Variants in NCAM1 observed in about 807,000 individuals in gnomAD.
The protein encoded by NCAM1 is neural cell adhesion molecule 1, also known as antigen recognized by monoclonal antibody 5.1H11.
Under a neutral mutation model 109.8 loss-of-function variants are expected in NCAM1, and 14 were observed. The ratio of observed to expected loss-of-function variants is 0.13; its 90% CI spans 0.08 to 0.20. The LOEUF is 0.20. NCAM1 is among the 10% of genes least tolerant of loss of function. The pLI is 1.00. For synonymous variants in NCAM1, 418 were observed against 442.9 expected, an observed-to-expected ratio of 0.94 and a Z score of 0.70; for missense variants, 774 against 1,109.9, an observed-to-expected ratio of 0.70 and a Z score of 4.30.
At chr11:113,046,135 G>A (rs1953259414) in intron 1 of NCAM1, among the ~76,000 whole-genome samples, 1 of 152,184 alleles carries the variant, frequency 6.6e-6, no homozygotes, top group Non-Finnish European at 1.5e-5. Flanking sequence ...GAAAAAAACA[G>A]ATTAAAATAC....
At chr11:113,185,334 T>G (rs1295760502) in intron 1 of NCAM1, among the ~76,000 whole-genome samples, 1 of 152,050 alleles carries the variant, frequency 6.6e-6, no homozygotes, top group Non-Finnish European at 1.5e-5. Flanking sequence ...AAGAACTATT[T>G]ATTAATCAGT....
At chr11:113,237,226 C>G (rs940512835) in intron 14 of NCAM1, among the ~76,000 whole-genome samples, 3 of 152,096 alleles carry the variant, frequency 2.0e-5, no homozygotes, top group East Asian at 1.9e-4. Context: ...TTTGGTTCTT[C>G]CTAGGCTGAA....
intron 1 of NCAM1, among the ~76,000 whole-genome samples, chr11:112,969,256 GA>G (rs1244617790): frequency 2.0e-4 from 31 of 151,312 alleles, no homozygotes; most frequent in African/African-American, 7.3e-4. Context: ...GAGATAAGGA[GA>G]AAAAAAAATT....
At chr11:113,109,854 A>G (rs1940364815) in intron 1 of NCAM1, among the ~76,000 whole-genome samples, 1 of 152,182 alleles carries the variant, frequency 6.6e-6, no homozygotes, top group African/African-American at 2.4e-5. Context: ...CGGAGGCATC[A>G]GATAGTGTGG....
chr11:112,972,322 T>G (rs544474321), intron 1 of NCAM1, among the ~76,000 whole-genome samples: 1 of 152,182 alleles, frequency 6.6e-6, no homozygotes, highest in East Asian at 1.9e-4. Flanking sequence ...CACCATGAGT[T>G]ATGGTCAGTA....
intron 1 of NCAM1, among the ~76,000 whole-genome samples, chr11:113,040,536 T>C (rs1328312560): frequency 1.3e-5 from 2 of 152,250 alleles, no homozygotes; most frequent in South Asian, 2.1e-4. Flanking sequence ...AAACTTTATG[T>C]ACAAAAACAG....
chr11:113,242,984 G>T, intron 14 of NCAM1: 1 of 1,501,898 alleles, frequency 6.7e-7, no homozygotes, highest in Non-Finnish European at 8.9e-7. Flanking sequence ...TCCTAGCCTG[G>T]TGTGGTTTCC....
chr11:113,135,363 G>C (rs1555099197), intron 1 of NCAM1, among the ~76,000 whole-genome samples: 3 of 152,280 alleles, frequency 2.0e-5, no homozygotes, highest in South Asian at 2.1e-4. Context: ...TTGAGAGTAT[G>C]TCCTAGACTG....
intron 17 of NCAM1, among the ~76,000 whole-genome samples, chr11:113,261,530 G>A (rs1423249703): frequency 2.6e-5 from 4 of 152,176 alleles, no homozygotes; most frequent in African/African-American, 7.2e-5. Flanking sequence ...CTCCACAGTC[G>A]CTGGTCAGAT....
intron 17 of NCAM1, among the ~76,000 whole-genome samples, chr11:113,269,369 T>C (rs992564812): frequency 1.3e-5 from 2 of 152,156 alleles, no homozygotes; most frequent in African/African-American, 4.8e-5. Flanking sequence ...TGAGAGTGCA[T>C]GCCTGTCTGC....
intron 1 of NCAM1, among the ~76,000 whole-genome samples, chr11:113,186,206 G>T (rs1445699088): frequency 6.6e-6 from 1 of 152,238 alleles, no homozygotes; most frequent in Admixed American, 6.5e-5. Flanking sequence ...TGCACGGCAG[G>T]AGGTGAGCAG....
At chr11:112,985,209 G>A (rs549669093) in intron 1 of NCAM1, among the ~76,000 whole-genome samples, 3 of 149,872 alleles carry the variant, frequency 2.0e-5, no homozygotes, top group African/African-American at 7.3e-5. Context: ...CATATCCTTG[G>A]GTTTATTTCT....
intron 1 of NCAM1, among the ~76,000 whole-genome samples, chr11:113,193,714 A>G (rs1943767023): frequency 1.3e-5 from 2 of 152,260 alleles, no homozygotes; most frequent in South Asian, 4.1e-4. Flanking sequence ...GGAAAGGAAA[A>G]GAAATGAGAA....
intron 1 of NCAM1, among the ~76,000 whole-genome samples, chr11:113,010,739 A>G (rs1422337622): frequency 2.0e-5 from 3 of 152,226 alleles, no homozygotes; most frequent in Admixed American, 1.3e-4. Flanking sequence ...CAAGTAATAC[A>G]TATTGAGTGT....
intron 1 of NCAM1, among the ~76,000 whole-genome samples, chr11:113,131,741 G>T (rs1016819190): frequency 3.9e-5 from 6 of 152,214 alleles, no homozygotes; most frequent in Non-Finnish European, 7.3e-5. Flanking sequence ...CAGCTGATAG[G>T]AGAGATGAGT....
intron 1 of NCAM1, among the ~76,000 whole-genome samples, chr11:113,055,986 T>C (rs1193067363): frequency 2.1e-5 from 1 of 47,378 alleles, no homozygotes; most frequent in Non-Finnish European, 3.9e-5. Context: ...GTGATATATA[T>C]ATATATATAT....
chr11:113,051,409 CTT>C (rs1953483936), intron 1 of NCAM1, among the ~76,000 whole-genome samples: 1 of 152,118 alleles, frequency 6.6e-6, no homozygotes, highest in Non-Finnish European at 1.5e-5. Context: ...TTAAGTCTCT[CTT>C]AATTCTAACT....
chr11:113,246,502 C>T (rs1366295208), intron 15 of NCAM1, 132 bp downstream of exon 15: 9 of 651,854 alleles, frequency 1.4e-5, no homozygotes, highest in Non-Finnish European at 2.5e-5. Flanking sequence ...TCTCAATTCA[C>T]ATCCAGAATT....
At chr11:113,240,715 C>G in intron 14 of NCAM1, 1 of 1,451,610 alleles carries the variant, frequency 6.9e-7, no homozygotes, top group Admixed American at 1.7e-5. Context: ...TTGTTGCTTC[C>G]ATTTTTTTTT....
Sources: gnomAD v4.1 joint callset for allele counts (sites outside exome capture counted in the v4.1 genomes callset) on GRCh38, gnomAD v4.1.1 for gene constraint, MANE v1.5 for transcripts, NCBI Gene and HGNC (gene_info 2026-07-23, HGNC 2026-07-21) for gene names.